The following ULK4 variants were observed in gnomAD, a reference collection of about 807,000 sequenced individuals.
The protein encoded by ULK4 is unc-51 like kinase 4.
Under a neutral mutation model 160.6 loss-of-function variants are expected in ULK4, and 133 were observed. The ratio of observed to expected loss-of-function variants is 0.83; its 90% CI spans 0.72 to 0.96. The LOEUF is 0.96. ULK4 is among the 40% of genes least tolerant of loss of function. The pLI is 0.00. For synonymous variants in ULK4, 534 were observed against 539.8 expected, an observed-to-expected ratio of 0.99 and a Z score of 0.15; for missense variants, 1,580 against 1,499.5, an observed-to-expected ratio of 1.05 and a Z score of -0.89.
intron 2 of ULK4, among the ~76,000 whole-genome samples, chr3:41,951,144 C>CAAAAAAAAA (rs34524276): frequency 1.5e-5 from 1 of 64,652 alleles, no homozygotes; most frequent in African/African-American, 6.9e-5. Flanking sequence ...GGCTTCGTCT[C>CAAAAAAAAA]AAAAAAAAAA....
intron 35 of ULK4, among the ~76,000 whole-genome samples, chr3:41,379,005 T>C (rs1241560053): frequency 6.6e-6 from 1 of 151,792 alleles, no homozygotes; most frequent in African/African-American, 2.4e-5. Flanking sequence ...AGCTGAACAA[T>C]GAGAGCATAT....
At chr3:41,401,466 A>G (rs533876610) in intron 34 of ULK4, among the ~76,000 whole-genome samples, 60 of 152,252 alleles carry the variant, frequency 3.9e-4, no homozygotes, top group African/African-American at 1.3e-3. Context: ...TTTGTCTTGT[A>G]AGAATTAGAA....
chr3:41,584,529 C>T (rs2030643757), intron 31 of ULK4, among the ~76,000 whole-genome samples: 1 of 152,060 alleles, frequency 6.6e-6, no homozygotes, highest in Non-Finnish European at 1.5e-5. Flanking sequence ...TGAAGTGATC[C>T]TCCTTCCTTG....
chr3:41,497,200 T>G (rs1167083008), intron 32 of ULK4, among the ~76,000 whole-genome samples: 1 of 152,122 alleles, frequency 6.6e-6, no homozygotes, highest in Non-Finnish European at 1.5e-5. Context: ...AATGGAAATT[T>G]TGAAATGAAA....
chr3:41,865,263 T>C, intron 17 of ULK4, among the ~76,000 whole-genome samples: 1 of 98,746 alleles, frequency 1.0e-5, no homozygotes, highest in Non-Finnish European at 1.8e-5. Flanking sequence ...AGAGCAAGAC[T>C]CTGTCTTTAA....
At chr3:41,863,051 C>T (rs1411927750) in intron 17 of ULK4, among the ~76,000 whole-genome samples, 1 of 152,218 alleles carries the variant, frequency 6.6e-6, no homozygotes, top group Admixed American at 6.5e-5. Flanking sequence ...GGCAAGGTCC[C>T]CTAAGTCCCA....
intron 17 of ULK4, among the ~76,000 whole-genome samples, chr3:41,863,461 A>C (rs1420058477): frequency 6.6e-6 from 1 of 152,126 alleles, no homozygotes; most frequent in Non-Finnish European, 1.5e-5. Flanking sequence ...CTGGTACCTA[A>C]GGTGCAAGAC....
intron 32 of ULK4, among the ~76,000 whole-genome samples, chr3:41,525,826 T>C (rs1008051531): frequency 2.0e-5 from 3 of 152,262 alleles, no homozygotes; most frequent in African/African-American, 7.2e-5. Context: ...ATACTAATCA[T>C]GCTTATGATG....
At chr3:41,340,731 A>T (rs988501676) in intron 35 of ULK4, among the ~76,000 whole-genome samples, 1 of 152,240 alleles carries the variant, frequency 6.6e-6, no homozygotes, top group African/African-American at 2.4e-5. Context: ...AGAGTACTGA[A>T]CTAGACGATC....
At chr3:41,622,568 G>A (rs1024361433) in intron 30 of ULK4, among the ~76,000 whole-genome samples, 8 of 152,236 alleles carry the variant, frequency 5.3e-5, no homozygotes, top group African/African-American at 1.9e-4. Flanking sequence ...ATGGACACAA[G>A]GAGGGGAACA....
intron 35 of ULK4, among the ~76,000 whole-genome samples, chr3:41,303,288 A>T (rs2079835245): frequency 6.6e-6 from 1 of 152,228 alleles, no homozygotes; most frequent in Non-Finnish European, 1.5e-5. Context: ...ACATAAGATT[A>T]AATTGTTGAA....
intron 5 of ULK4, among the ~76,000 whole-genome samples, chr3:41,928,013 A>G (rs959467988): frequency 6.6e-6 from 1 of 152,216 alleles, no homozygotes; most frequent in Non-Finnish European, 1.5e-5. Context: ...CCTAATAGAC[A>G]TCTACAGAAC....
chr3:41,470,467 G>T (rs1575268357), intron 32 of ULK4, among the ~76,000 whole-genome samples: 1 of 152,198 alleles, frequency 6.6e-6, no homozygotes, highest in African/African-American at 2.4e-5. Flanking sequence ...TTACATGATT[G>T]GCTAAAGAGA....
At chr3:41,730,565 T>A (rs1413981207) in intron 22 of ULK4, among the ~76,000 whole-genome samples, 1 of 152,022 alleles carries the variant, frequency 6.6e-6, no homozygotes, top group Non-Finnish European at 1.5e-5. Context: ...CAAAATTGAA[T>A]CATGAAGAAA....
At chr3:41,904,728 A>C (rs1156747475) in intron 12 of ULK4, among the ~76,000 whole-genome samples, 1 of 152,236 alleles carries the variant, frequency 6.6e-6, no homozygotes, top group Non-Finnish European at 1.5e-5. Flanking sequence ...CATTACATCA[A>C]AACTACAGTA....
In ULK4 at chr3:41,961,550, A is replaced by ACCCCTCCCCCC. The variant is rs57463009; in HGVS notation, c.-49+465_-49+466insGGGGGGAGGGG. ...ACTCAGGGGCGCTACGTAGTCACTCACCCCCCCCCCCCCCCCCCCCGCTCC... is the reference window on the plus strand; with the variant it reads ...ACTCAGGGGCGCTACGTAGTCACTCACCCCTCCCCCCCCCCCCCCCCCCCCCCCCCCGCTCC... On this transcript the variant is annotated intron_variant, in intron 1 of 36. Coordinates refer to ENST00000301831, the MANE Select transcript of ULK4 (RefSeq NM_017886.4). Among the ~76,000 whole-genome samples the ACCCCTCCCCCC allele has an allele frequency of 5.1e-4, 64 of 124,648 alleles. 6 individuals are homozygous for ACCCCTCCCCCC. The highest frequency in any genetic ancestry group is 6.1e-4 in the Non-Finnish European group (39 of 63,696). 81.8% of individuals were successfully genotyped at this position (124,648 alleles called of 152,430 possible).
At chr3:41,699,257 T>G (rs1302914985) in intron 27 of ULK4, among the ~76,000 whole-genome samples, 1 of 152,222 alleles carries the variant, frequency 6.6e-6, no homozygotes, top group East Asian at 1.9e-4. Flanking sequence ...CCACCAACAC[T>G]AAGTATTAAC....
intron 34 of ULK4, among the ~76,000 whole-genome samples, chr3:41,419,992 TG>T (rs1422129056): frequency 6.6e-6 from 1 of 151,958 alleles, no homozygotes; most frequent in African/African-American, 2.4e-5. Context: ...AGAAGTAGGT[TG>T]AAATCTTAAT....
chr3:41,743,721 A>G (rs200039314), intron 22 of ULK4, among the ~76,000 whole-genome samples: 1 of 151,846 alleles, frequency 6.6e-6, no homozygotes, highest in East Asian at 1.9e-4. Context: ...GCTGGAGTGC[A>G]GTGGCACAAT....
Sources: allele counts gnomAD v4.1 joint callset (sites outside exome capture counted in the v4.1 genomes callset), GRCh38; gene constraint gnomAD v4.1.1; transcripts MANE v1.5; gene names NCBI Gene and HGNC (gene_info 2026-07-23, HGNC 2026-07-21).